PXDNL: variants seen among roughly 807,000 people sequenced by gnomAD.
The protein encoded by PXDNL is peroxidasin like, also known as probable oxidoreductase PXDNL.
Under a neutral mutation model 150.8 loss-of-function variants are expected in PXDNL, and 145 were observed. The observed-to-expected ratio is 0.96, with a 90% CI of 0.84 to 1.10. The LOEUF is 1.10. Ranked by LOEUF, PXDNL falls within the 50% of genes least tolerant of loss-of-function variation. The probability of loss-of-function intolerance (pLI) is 0.00; values close to 1 mark genes in which losing one functional copy is unlikely to be tolerated. For missense variants in PXDNL, 2,087 were observed against 1,873.9 expected (o/e 1.11, Z -2.10); for synonymous variants, 757 against 725.7 (o/e 1.04, Z -0.69).
At chr8:51,708,017 C>A (rs975821436) in intron 1 of PXDNL, among the ~76,000 whole-genome samples, 2 of 152,246 alleles carry the variant, frequency 1.3e-5, no homozygotes, top group East Asian at 3.9e-4. Flanking sequence ...TAAATTGCAT[C>A]ATAAGAACCA....
intron 5 of PXDNL, among the ~76,000 whole-genome samples, chr8:51,490,537 A>T (rs1302618945): frequency 6.6e-6 from 1 of 151,680 alleles, no homozygotes; most frequent in Non-Finnish European, 1.5e-5. Context: ...TTAATGCCAC[A>T]AGAATTAGAA....
intron 20 of PXDNL, among the ~76,000 whole-genome samples, chr8:51,343,870 A>G (rs576751253): frequency 2.4e-4 from 37 of 152,354 alleles, no homozygotes; most frequent in Middle Eastern, 3.4e-3. Flanking sequence ...AATGTTTCCA[A>G]CACTCAAATT....
chr8:51,332,357 C>G (rs1421857656), intron 21 of PXDNL, among the ~76,000 whole-genome samples: 1 of 152,184 alleles, frequency 6.6e-6, no homozygotes, highest in Non-Finnish European at 1.5e-5. Context: ...TTCCCTCTGA[C>G]AGAGCCCACT....
chr8:51,449,506 T>C (rs1040148264), intron 10 of PXDNL, among the ~76,000 whole-genome samples: 5 of 152,222 alleles, frequency 3.3e-5, no homozygotes, highest in Admixed American at 3.3e-4. Flanking sequence ...CACAATAAAA[T>C]TTGAAACGAG....
At chr8:51,608,110 C>CAAGCAAG (rs1813902387) in intron 2 of PXDNL, among the ~76,000 whole-genome samples, 1 of 144,924 alleles carries the variant, frequency 6.9e-6, no homozygotes. Context: ...AGCAAGCAAG[C>CAAGCAAG]CGGGCACGGT....
intron 22 of PXDNL, 25 bp from the exon 23 acceptor site, chr8:51,320,047 C>T: frequency 2.9e-6 from 4 of 1,396,854 alleles, no homozygotes; most frequent in Non-Finnish European, 3.7e-6. Flanking sequence ...GCACATATCA[C>T]CTCCATGTTT....
chr8:51,507,564 G>C (rs1295020965), intron 4 of PXDNL, among the ~76,000 whole-genome samples: 2 of 152,206 alleles, frequency 1.3e-5, no homozygotes, highest in Non-Finnish European at 2.9e-5. Flanking sequence ...TCAAAGAAAT[G>C]AAATTTCTAA....
chr8:51,557,760 T>A (rs548789052), intron 3 of PXDNL, among the ~76,000 whole-genome samples: 4 of 152,288 alleles, frequency 2.6e-5, no homozygotes, highest in African/African-American at 7.2e-5. Flanking sequence ...TTCTAGATAA[T>A]TCAGTTGCAG....
At chr8:51,623,575 T>C (rs1814301994) in intron 2 of PXDNL, among the ~76,000 whole-genome samples, 1 of 152,004 alleles carries the variant, frequency 6.6e-6, no homozygotes, top group African/African-American at 2.4e-5. Context: ...GTGGGGAAGG[T>C]GTTGGAGGGC....
chr8:51,566,959 C>T (rs1003119432), intron 3 of PXDNL, among the ~76,000 whole-genome samples: 4 of 151,658 alleles, frequency 2.6e-5, no homozygotes, highest in African/African-American at 7.2e-5. Flanking sequence ...AACTGCATCC[C>T]GCGAAATCTG....
chr8:51,493,983 T>A (rs1810971766), intron 5 of PXDNL, among the ~76,000 whole-genome samples: 1 of 152,112 alleles, frequency 6.6e-6, no homozygotes, highest in Non-Finnish European at 1.5e-5. Flanking sequence ...AATTGTCAGA[T>A]TCACCAAAGT....
chr8:51,562,006 G>A (rs1013794415), intron 3 of PXDNL, among the ~76,000 whole-genome samples: 2 of 151,584 alleles, frequency 1.3e-5, no homozygotes, highest in Non-Finnish European at 2.9e-5. Context: ...CTGGGGTTTT[G>A]CACAAATTTA....
intron 1 of PXDNL, among the ~76,000 whole-genome samples, chr8:51,736,192 C>A (rs1413323658): frequency 6.6e-6 from 1 of 152,176 alleles, no homozygotes; most frequent in Non-Finnish European, 1.5e-5. Context: ...GAGGAACATA[C>A]ATTTATGTCG....
intron 1 of PXDNL, among the ~76,000 whole-genome samples, chr8:51,733,921 G>A (rs189860829): frequency 1.5e-3 from 220 of 149,700 alleles, no homozygotes; most frequent in African/African-American, 5.1e-3. Context: ...ATATGAGAAG[G>A]TTTGCTTGAA....
In PXDNL at chr8:51,409,473, G is replaced by A; in HGVS notation, c.2151C>T (p.Asn717=). The A allele has an allele frequency of 6.2e-7, 1 of 1,612,728 alleles. No individual in the cohort carries two copies. Among genetic ancestry groups the A allele is most frequent in the Non-Finnish European group, 8.5e-7 (1 of 1,179,724 alleles). Residue 717 remains asparagine, a synonymous_variant, in exon 17 of 23, where the codon AAC becomes AAT. Coordinates refer to ENST00000356297, the MANE Select transcript of PXDNL (RefSeq NM_144651.5). ...SGCTARRPLP[N]CSNRCFHAKY... ...TCGCATGGAAACACCGGTTGGAGCA[G>A]TTTGGCAGAGGCCTGCGAGCTGTGC...
At chr8:51,620,146 T>C (rs893207752) in intron 2 of PXDNL, among the ~76,000 whole-genome samples, 3 of 152,174 alleles carry the variant, frequency 2.0e-5, no homozygotes, top group Non-Finnish European at 2.9e-5. Context: ...CCTGAAAATA[T>C]AGTTTTGAAC....
intron 13 of PXDNL, among the ~76,000 whole-genome samples, chr8:51,426,206 C>T (rs569772598): frequency 1.3e-5 from 2 of 152,220 alleles, no homozygotes; most frequent in East Asian, 3.9e-4. Context: ...TAAAGCCATT[C>T]AGGTTTTGAA....
intron 1 of PXDNL, among the ~76,000 whole-genome samples, chr8:51,749,546 C>T (rs1351209605): frequency 6.6e-6 from 1 of 152,172 alleles, no homozygotes; most frequent in Non-Finnish European, 1.5e-5. Flanking sequence ...GGTCCGCCTG[C>T]ATAGGGCACT....
intron 3 of PXDNL, among the ~76,000 whole-genome samples, chr8:51,564,444 G>A (rs1302726654): frequency 6.6e-6 from 1 of 151,668 alleles, no homozygotes; most frequent in East Asian, 2.0e-4. Flanking sequence ...CAGACGGTTG[G>A]TTCACAGATT....
Sources: allele counts gnomAD v4.1 joint callset (sites outside exome capture counted in the v4.1 genomes callset), GRCh38; gene constraint gnomAD v4.1.1; transcripts MANE v1.5; gene names NCBI Gene and HGNC (gene_info 2026-07-23, HGNC 2026-07-21).